MAML2: variants seen among roughly 807,000 people sequenced by gnomAD.
The protein encoded by MAML2 is mastermind-like protein 2.
MAML2 carries 22 observed loss-of-function variants against 96.1 expected under a neutral mutation model. The observed-to-expected ratio is 0.23, with a 90% CI of 0.16 to 0.33. The LOEUF is 0.33. Among genes scored for constraint, MAML2 ranks in the 10% least tolerant of loss-of-function variants. The pLI, the probability that MAML2 is intolerant of heterozygous loss-of-function variation, is 1.00. For missense variants in MAML2, 1,367 were observed against 1,392.4 expected (o/e 0.98, Z 0.29); for synonymous variants, 561 against 521.3 (o/e 1.08, Z -1.04).
intron 2 of MAML2, among the ~76,000 whole-genome samples, chr11:96,038,308 G>A (rs191268928): frequency 1.7e-4 from 26 of 152,184 alleles, no homozygotes; most frequent in African/African-American, 5.8e-4. Context: ...CATCTTCATC[G>A]TTCCTTATAC....
chr11:96,185,870 C>T (rs1861567610), intron 1 of MAML2, among the ~76,000 whole-genome samples: 1 of 152,162 alleles, frequency 6.6e-6, no homozygotes, highest in Non-Finnish European at 1.5e-5. Context: ...GTGCCACAAT[C>T]CAGATGAGGC....
At chr11:96,248,104 G>GT (rs1255241683) in intron 1 of MAML2, among the ~76,000 whole-genome samples, 5 of 139,908 alleles carry the variant, frequency 3.6e-5, no homozygotes, top group East Asian at 2.2e-4. Context: ...AACTTCACCT[G>GT]TTTTTTTACT....
intron 1 of MAML2, among the ~76,000 whole-genome samples, chr11:96,268,917 T>C (rs537091235): frequency 1.4e-5 from 2 of 144,858 alleles, no homozygotes; most frequent in Middle Eastern, 7.2e-3. Flanking sequence ...TATGTCTTTA[T>C]TGGCAGCAAG....
Position 95,983,967 on chromosome 11 carries a change from G to A in MAML2, c.2455+1564C>T, listed in dbSNP as rs183448318. On this transcript the variant is annotated intron_variant, in intron 4 of 4. Coordinates refer to ENST00000524717, the MANE Select transcript of MAML2 (RefSeq NM_032427.4). ...AAGGTCCACAGTAGTGTACAGTGAT[G>A]TCCTAGGCCTTTGCATTCACACGCC... Among the ~76,000 whole-genome samples, 3 of 152,284 alleles carry A rather than the reference G, an allele frequency of 2.0e-5. No homozygotes were observed. In the East Asian group the frequency reaches 5.8e-4, roughly 29 times the overall value.
At chr11:96,006,564 T>C (rs200081277) in intron 2 of MAML2, among the ~76,000 whole-genome samples, 8 of 117,058 alleles carry the variant, frequency 6.8e-5, no homozygotes, top group African/African-American at 1.0e-4. Context: ...TTTTTTTTTC[T>C]TTTTTTTTTT....
At chr11:96,184,710 C>T (rs1464408295) in intron 1 of MAML2, among the ~76,000 whole-genome samples, 1 of 151,564 alleles carries the variant, frequency 6.6e-6, no homozygotes, top group African/African-American at 2.4e-5. Flanking sequence ...CTGCCTCAGC[C>T]TCTCGAGGAG....
intron 1 of MAML2, among the ~76,000 whole-genome samples, chr11:96,252,307 CT>C (rs1862592589): frequency 6.6e-6 from 1 of 152,040 alleles, no homozygotes; most frequent in Non-Finnish European, 1.5e-5. Flanking sequence ...GAATAGTTAC[CT>C]TCTACATGTG....
At chr11:96,153,911 C>CAATAAATAAATA (rs59318960) in intron 1 of MAML2, among the ~76,000 whole-genome samples, 21 of 138,038 alleles carry the variant, frequency 1.5e-4, no homozygotes, top group South Asian at 2.3e-4. Context: ...GACTCCGTCT[C>CAATAAATAAATA]AATAAATAAA....
At chr11:96,287,118 A>C (rs1254306810) in intron 1 of MAML2, among the ~76,000 whole-genome samples, 2 of 152,260 alleles carry the variant, frequency 1.3e-5, no homozygotes, top group African/African-American at 4.8e-5. Flanking sequence ...TGAGCTTACA[A>C]GAATGAAGAA....
At chr11:96,121,828 C>T (rs1860349031) in intron 1 of MAML2, among the ~76,000 whole-genome samples, 1 of 69,594 alleles carries the variant, frequency 1.4e-5, no homozygotes, top group Non-Finnish European at 2.9e-5. Context: ...GCTCTGTCAC[C>T]CAGGCTGGGG....
chr11:96,235,758 CT>C (rs372923479), intron 1 of MAML2, among the ~76,000 whole-genome samples: 80 of 152,310 alleles, frequency 5.3e-4, no homozygotes, highest in African/African-American at 1.8e-3. Flanking sequence ...TGTACACTTT[CT>C]TTTTCAATGT....
At chr11:96,214,705 C>A (rs1048899498) in intron 1 of MAML2, among the ~76,000 whole-genome samples, 12 of 152,182 alleles carry the variant, frequency 7.9e-5, no homozygotes, top group African/African-American at 2.2e-4. Flanking sequence ...CATTTTTGTC[C>A]TGAGTGGCAG....
At chr11:96,041,302 C>A (rs1393443154) in intron 2 of MAML2, among the ~76,000 whole-genome samples, 6 of 150,094 alleles carry the variant, frequency 4.0e-5, no homozygotes. Flanking sequence ...ACCAGCCTGG[C>A]CAACATAGTG....
intron 1 of MAML2, among the ~76,000 whole-genome samples, chr11:96,156,030 C>T (rs140118262): frequency 1.3e-5 from 2 of 152,168 alleles, no homozygotes; most frequent in Non-Finnish European, 2.9e-5. Context: ...GACCGCCCCC[C>T]ACTGGTTCCT....
intron 2 of MAML2, among the ~76,000 whole-genome samples, chr11:95,995,466 C>G (rs1045466283): frequency 7.2e-5 from 11 of 151,998 alleles, no homozygotes; most frequent in African/African-American, 2.2e-4. Context: ...TACTAAGTAC[C>G]GTGCCTTAGT....
chr11:96,123,663 A>G (rs1860388075), intron 1 of MAML2, among the ~76,000 whole-genome samples: 1 of 152,232 alleles, frequency 6.6e-6, no homozygotes, highest in African/African-American at 2.4e-5. Context: ...GTGAGGTAGG[A>G]AACAAGGGAA....
At chr11:96,099,606 T>G (rs1184743026) in intron 1 of MAML2, among the ~76,000 whole-genome samples, 2 of 152,150 alleles carry the variant, frequency 1.3e-5, no homozygotes, top group Non-Finnish European at 2.9e-5. Flanking sequence ...TCTAGGTGTT[T>G]TAATAATTAT....
chr11:96,319,584 T>C (rs1435046630), intron 1 of MAML2, among the ~76,000 whole-genome samples: 1 of 152,216 alleles, frequency 6.6e-6, no homozygotes, highest in Non-Finnish European at 1.5e-5. Context: ...ACACAAGATA[T>C]ATTTTTATGT....
chr11:96,325,090 T>G (rs1215564566), intron 1 of MAML2, among the ~76,000 whole-genome samples: 3 of 152,188 alleles, frequency 2.0e-5, no homozygotes, highest in South Asian at 4.1e-4. Flanking sequence ...CCTCATTCCA[T>G]TCATGATTGC....
Sources: gnomAD v4.1 joint callset for allele counts (sites outside exome capture counted in the v4.1 genomes callset) on GRCh38, gnomAD v4.1.1 for gene constraint, MANE v1.5 for transcripts, NCBI Gene and HGNC (gene_info 2026-07-23, HGNC 2026-07-21) for gene names.